The following CTIF variants were observed in gnomAD, a reference collection of about 807,000 sequenced individuals.
CTIF encodes the protein cap binding complex dependent translation initiation factor, also known as CBP80/20-dependent translation initiation factor.
A neutral mutation model predicts 66.0 loss-of-function variants in CTIF; 21 were observed. That is an observed-to-expected ratio of 0.32 (90% CI 0.23 to 0.46). The LOEUF is 0.46. Ranked by LOEUF, CTIF falls within the 20% of genes least tolerant of loss-of-function variation. The probability of loss-of-function intolerance (pLI) is 1.00; values close to 1 mark genes in which losing one functional copy is unlikely to be tolerated. For synonymous variants in CTIF, 345 were observed against 326.4 expected (o/e 1.06, Z -0.62); for missense variants, 739 against 812.7 (o/e 0.91, Z 1.10).
chr18:48,543,778 T>C (rs2145472712), intron 1 of CTIF, among the ~76,000 whole-genome samples: 1 of 152,320 alleles, frequency 6.6e-6, no homozygotes, highest in East Asian at 1.9e-4. Context: ...CTATGTACCG[T>C]AATGCTTTCT....
At chr18:48,814,413 G>A (rs773600885) in intron 9 of CTIF, among the ~76,000 whole-genome samples, 1 of 152,134 alleles carries the variant, frequency 6.6e-6, no homozygotes, top group Non-Finnish European at 1.5e-5. Context: ...GTTCCTCCAG[G>A]TGACTCCAAT....
At chr18:48,816,814 C>T (rs938474644) in intron 9 of CTIF, among the ~76,000 whole-genome samples, 4 of 152,216 alleles carry the variant, frequency 2.6e-5, no homozygotes, top group Non-Finnish European at 5.9e-5. Flanking sequence ...CAGTCCACCA[C>T]GCAGAGGGCA....
At chr18:48,617,147 G>A (rs984297500) in intron 1 of CTIF, among the ~76,000 whole-genome samples, 3 of 152,176 alleles carry the variant, frequency 2.0e-5, no homozygotes, top group Admixed American at 1.3e-4. Context: ...TGTAGGATGA[G>A]GTGCCCACTT....
intron 1 of CTIF, among the ~76,000 whole-genome samples, chr18:48,608,758 C>A (rs1365636545): frequency 1.3e-5 from 2 of 152,320 alleles, no homozygotes; most frequent in African/African-American, 2.4e-5. Context: ...GACACTCCCA[C>A]CAGGCTCTGG....
chr18:48,694,567 A>G (rs1163813384), intron 6 of CTIF, among the ~76,000 whole-genome samples: 1 of 152,240 alleles, frequency 6.6e-6, no homozygotes, highest in African/African-American at 2.4e-5. Context: ...CAGCAGGGCC[A>G]CTATTGCTTA....
intron 7 of CTIF, among the ~76,000 whole-genome samples, chr18:48,718,357 C>A (rs1163013556): frequency 6.6e-6 from 1 of 152,160 alleles, no homozygotes; most frequent in African/African-American, 2.4e-5. Flanking sequence ...AGAGATGTAT[C>A]ATGGGAATTG....
At chr18:48,789,675 C>T (rs1008517916) in intron 9 of CTIF, among the ~76,000 whole-genome samples, 6 of 152,050 alleles carry the variant, frequency 3.9e-5, no homozygotes, top group South Asian at 4.2e-4. Context: ...AATCAAGATG[C>T]CATTAAGCCT....
At chr18:48,596,647 T>A (rs1444126065) in intron 1 of CTIF, among the ~76,000 whole-genome samples, 2 of 151,966 alleles carry the variant, frequency 1.3e-5, no homozygotes, top group Non-Finnish European at 2.9e-5. Flanking sequence ...CTGGCTAATT[T>A]TTTGTATTTT....
chr18:48,757,392 C>CA (rs60659382), intron 7 of CTIF, among the ~76,000 whole-genome samples: 107 of 139,296 alleles, frequency 7.7e-4, no homozygotes, highest in East Asian at 4.7e-3. Context: ...GACAATGTTC[C>CA]AAAAAAAAAA....
intron 9 of CTIF, among the ~76,000 whole-genome samples, chr18:48,800,239 C>G (rs1408185425): frequency 6.6e-6 from 1 of 152,226 alleles, no homozygotes. Flanking sequence ...GGCCTCCATT[C>G]ACACATCAAG....
rs1421777455 is a variant in CTIF at position 48,670,508 on chromosome 18, C to A, written c.432-161C>A. The A allele has an allele frequency of 2.2e-5, 13 of 596,112 alleles. No homozygotes were observed. The East Asian group carries it at 3.2e-4, about 15-fold the overall frequency. The allele number at this position is 596,112 out of a possible 1,614,324, so 36.9% of individuals were successfully genotyped here. A position where few individuals can be genotyped will look rare whatever the true frequency, so the allele number is the denominator to read the frequency against. On this transcript the variant is annotated intron_variant, in intron 5 of 11. Transcript: ENST00000256413. ...GGACCCCCCCCCCACACACACACAG[C>A]TTCTCTAGGGCTGTTTCCTCTAGGT...
At chr18:48,670,645 G>A in intron 5 of CTIF, 24 bp from the exon 6 acceptor site, 1 of 1,609,166 alleles carries the variant, frequency 6.2e-7, no homozygotes, top group Non-Finnish European at 8.5e-7. Flanking sequence ...TCTTTCCAAT[G>A]CCTTTCTGTC....
chr18:48,814,228 G>C (rs1172707669), intron 9 of CTIF, among the ~76,000 whole-genome samples: 1 of 152,178 alleles, frequency 6.6e-6, no homozygotes, highest in Non-Finnish European at 1.5e-5. Context: ...TGATAGAGGG[G>C]CACCATTTTA....
intron 9 of CTIF, among the ~76,000 whole-genome samples, chr18:48,801,600 T>C (rs1008834365): frequency 2.0e-5 from 3 of 152,224 alleles, no homozygotes; most frequent in African/African-American, 7.2e-5. Context: ...GGTCAAATCT[T>C]TTTGTGAGCA....
At chr18:48,824,494 G>T (rs9962669) in intron 10 of CTIF, among the ~76,000 whole-genome samples, 1 of 152,012 alleles carries the variant, frequency 6.6e-6, no homozygotes, top group African/African-American at 2.4e-5. Context: ...CCGCCTCTCC[G>T]TGCCTCTGTG....
At chr18:48,705,653 G>A (rs962200705) in intron 6 of CTIF, among the ~76,000 whole-genome samples, 1 of 152,232 alleles carries the variant, frequency 6.6e-6, no homozygotes, top group African/African-American at 2.4e-5. Flanking sequence ...CACCAGCAAC[G>A]GTCCTCGGAA....
At chr18:48,595,662 A>G (rs761775115) in intron 1 of CTIF, among the ~76,000 whole-genome samples, 1 of 152,134 alleles carries the variant, frequency 6.6e-6, no homozygotes. Context: ...CCTGGACTCA[A>G]GCGATCCTCC....
At chr18:48,556,560 G>A (rs1325244914) in intron 1 of CTIF, among the ~76,000 whole-genome samples, 2 of 152,148 alleles carry the variant, frequency 1.3e-5, no homozygotes, top group Non-Finnish European at 2.9e-5. Context: ...CTGCTCACTG[G>A]CATTGTGTTT....
intron 1 of CTIF, among the ~76,000 whole-genome samples, chr18:48,589,893 A>G (rs1219885437): frequency 2.0e-5 from 3 of 151,984 alleles, no homozygotes; most frequent in Admixed American, 6.5e-5. Context: ...ACTTTTTGTC[A>G]TTTTCCCCTT....
Sources: allele counts gnomAD v4.1 joint callset (sites outside exome capture counted in the v4.1 genomes callset), GRCh38; gene constraint gnomAD v4.1.1; transcripts MANE v1.5; gene names NCBI Gene and HGNC (gene_info 2026-07-23, HGNC 2026-07-21).